The following ZNF143 variants were observed in gnomAD, a reference collection of about 807,000 sequenced individuals.
The protein encoded by ZNF143 is zinc finger protein 143.
In ZNF143, 49 loss-of-function variants were observed where a neutral mutation model predicts 74.1. The observed-to-expected ratio is 0.66, with a 90% CI of 0.53 to 0.84. The LOEUF is 0.84. ZNF143 is among the 40% of genes least tolerant of loss of function. The pLI is 0.00. For synonymous variants in ZNF143, 304 were observed against 282.8 expected, an observed-to-expected ratio of 1.07 and a Z score of -0.75; for missense variants, 637 against 793.4, an observed-to-expected ratio of 0.80 and a Z score of 2.37.
chr11:9,496,100 A>G (rs944297202), intron 8 of ZNF143, among the ~76,000 whole-genome samples: 1 of 152,202 alleles, frequency 6.6e-6, no homozygotes, highest in African/African-American at 2.4e-5. Context: ...TACTTAAAAC[A>G]TTAGTAACTA....
chr11:9,498,051 C>CA (rs1272596923), intron 10 of ZNF143, among the ~76,000 whole-genome samples: 3 of 151,968 alleles, frequency 2.0e-5, no homozygotes, highest in Admixed American at 6.6e-5. Flanking sequence ...AGGATGGTCT[C>CA]AATCTTCTGA....
intron 14 of ZNF143, among the ~76,000 whole-genome samples, chr11:9,520,054 T>TG (rs1848860914): frequency 7.5e-6 from 1 of 134,116 alleles, no homozygotes; most frequent in Non-Finnish European, 1.6e-5. Context: ...TTTTTTTTTT[T>TG]GAGACGGAAT....
At position 9,527,672 on chromosome 11, in the gene ZNF143, TCCATGAAGCCCGGGCCCAGG is replaced by T; in HGVS notation, c.*60_*79del. 6.5e-7 allele frequency: 1 copy of T among 1,529,648 alleles called. No homozygotes were observed. The highest frequency in any genetic ancestry group is 9.0e-7 in the Non-Finnish European group (1 of 1,105,744). The allele number at this position is 1,529,648 out of a possible 1,614,324, so 94.8% of individuals were successfully genotyped here. On this transcript the variant is annotated 3_prime_UTR_variant, in exon 16 of 16. Coordinates refer to ENST00000396602, the MANE Select transcript of ZNF143 (RefSeq NM_003442.6). ...GTCTTTCATCTTCTGGCAGCAGAAATCCATGAAGCCCGGGCCCAGGAAAATTAGAAGTTTTCCATTCCTGA... is the reference window on the plus strand; with the variant it reads ...GTCTTTCATCTTCTGGCAGCAGAAATAAAATTAGAAGTTTTCCATTCCTGA...
At chr11:9,515,314 T>C (rs187177281) in intron 13 of ZNF143, among the ~76,000 whole-genome samples, 1 of 151,586 alleles carries the variant, frequency 6.6e-6, no homozygotes, top group East Asian at 2.0e-4. Flanking sequence ...AAAATAAGGA[T>C]CTAAATTAGC....
At chr11:9,515,960 G>A (rs1565065058) in intron 13 of ZNF143, among the ~76,000 whole-genome samples, 1 of 151,992 alleles carries the variant, frequency 6.6e-6, no homozygotes, top group African/African-American at 2.4e-5. Context: ...CCTCCAGCCT[G>A]GGCAACAGAG....
chr11:9,467,620 G>T (rs1416219117), intron 1 of ZNF143, among the ~76,000 whole-genome samples: 1 of 151,948 alleles, frequency 6.6e-6, no homozygotes, highest in Non-Finnish European at 1.5e-5. Context: ...AGCTGAGGCG[G>T]GTGGATCATG....
chr11:9,494,562 C>CT (rs1847894633), intron 7 of ZNF143, 84 bp from the exon 8 acceptor site: 2 of 1,405,642 alleles, frequency 1.4e-6, no homozygotes, highest in Admixed American at 4.1e-5. Flanking sequence ...CCGCCTACCT[C>CT]TGCCTCCCCA....
intron 1 of ZNF143, among the ~76,000 whole-genome samples, chr11:9,463,129 C>G (rs1463417253): frequency 6.6e-6 from 1 of 152,134 alleles, no homozygotes; most frequent in Non-Finnish European, 1.5e-5. Flanking sequence ...ATTTTTATTG[C>G]CAAATGATAT....
chr11:9,516,003 A>T (rs546732984), intron 13 of ZNF143, among the ~76,000 whole-genome samples, 198 bp from the exon 14 acceptor site: 4 of 151,824 alleles, frequency 2.6e-5, no homozygotes, highest in South Asian at 2.1e-4. Flanking sequence ...ATAATAATAA[A>T]AAAATAATAA....
intron 14 of ZNF143, among the ~76,000 whole-genome samples, chr11:9,520,815 G>C (rs1197534740): frequency 6.6e-6 from 1 of 152,054 alleles, no homozygotes; most frequent in Non-Finnish European, 1.5e-5. Flanking sequence ...AAAGAATTCT[G>C]TTTGTTTCAT....
At chr11:9,471,162 C>T (rs1261953337) in intron 1 of ZNF143, 140 bp from the exon 2 acceptor site, 1 of 643,610 alleles carries the variant, frequency 1.6e-6, no homozygotes, top group Non-Finnish European at 2.5e-6. Flanking sequence ...ATACTCTTAC[C>T]CTACATATTG....
At chr11:9,475,908 ATATGTGTGTGTG>A (rs1856854139) in intron 5 of ZNF143, among the ~76,000 whole-genome samples, 1 of 117,632 alleles carries the variant, frequency 8.5e-6, no homozygotes, top group Non-Finnish European at 1.7e-5. Flanking sequence ...AAAAAAATAT[ATATGTGTGTGTG>A]TGTGTGTGTG....
At chr11:9,486,363 T>TATATATAA (rs1491555379) in intron 7 of ZNF143, among the ~76,000 whole-genome samples, 5 of 41,244 alleles carry the variant, frequency 1.2e-4, no homozygotes, top group Non-Finnish European at 1.3e-4. Context: ...TATATATATA[T>TATATATAA]TATATATAAT....
intron 13 of ZNF143, among the ~76,000 whole-genome samples, chr11:9,514,883 C>G (rs1196822150): frequency 1.3e-5 from 2 of 152,196 alleles, no homozygotes; most frequent in Non-Finnish European, 2.9e-5. Context: ...AATCCCAGCA[C>G]TTTGAGAGGC....
At chr11:9,484,267 C>T (rs1251489979) in intron 7 of ZNF143, among the ~76,000 whole-genome samples, 1 of 151,380 alleles carries the variant, frequency 6.6e-6, no homozygotes, top group Non-Finnish European at 1.5e-5. Flanking sequence ...GATCTCAGCT[C>T]ACTGCAGCCA....
chr11:9,500,945 A>C (rs574695316), intron 10 of ZNF143, 146 bp from the exon 11 acceptor site: 1 of 877,142 alleles, frequency 1.1e-6, no homozygotes, highest in Non-Finnish European at 1.7e-6. Flanking sequence ...TGTTTCCCCA[A>C]CCCCCCCAAA....
chr11:9,478,285 T>C (rs1162907515), intron 5 of ZNF143, 105 bp from the exon 6 acceptor site: 1 of 1,177,724 alleles, frequency 8.5e-7, no homozygotes, highest in Non-Finnish European at 1.2e-6. Context: ...GGTCCAGTAC[T>C]CAGAGTAACT....
intron 5 of ZNF143, among the ~76,000 whole-genome samples, chr11:9,477,811 T>C (rs1847072048): frequency 6.6e-6 from 1 of 152,118 alleles, no homozygotes; most frequent in African/African-American, 2.4e-5. Context: ...TAGTGTTTTT[T>C]CTTTGTTTGT....
At chr11:9,508,109 A>G (rs554740007) in intron 11 of ZNF143, among the ~76,000 whole-genome samples, 31 of 152,208 alleles carry the variant, frequency 2.0e-4, no homozygotes, top group Non-Finnish European at 4.1e-4. Flanking sequence ...GTAGCTTTTG[A>G]TTGGATGTAA....
Sources: gnomAD v4.1 joint callset for allele counts (sites outside exome capture counted in the v4.1 genomes callset) on GRCh38, gnomAD v4.1.1 for gene constraint, MANE v1.5 for transcripts, NCBI Gene and HGNC (gene_info 2026-07-23, HGNC 2026-07-21) for gene names.